MRC1: variants seen among roughly 807,000 people sequenced by gnomAD.
MRC1 encodes mannose receptor C-type 1, also known as macrophage mannose receptor 1.
In MRC1, 62 loss-of-function variants were observed where a neutral mutation model predicts 102.9. The ratio of observed to expected loss-of-function variants is 0.60; its 90% CI spans 0.49 to 0.74. The LOEUF is 0.74. MRC1 is among the 30% of genes least tolerant of loss of function. The pLI, the probability that MRC1 is intolerant of heterozygous loss-of-function variation, is 0.00. For missense variants in MRC1, 1,237 were observed against 862.8 expected (o/e 1.43, Z -5.43); for synonymous variants, 457 against 298.4 (o/e 1.53, Z -5.48).
At chr10:17,888,435 G>A (rs1345344318) in intron 22 of MRC1, among the ~76,000 whole-genome samples, 1 of 152,182 alleles carries the variant, frequency 6.6e-6, no homozygotes, top group Non-Finnish European at 1.5e-5. Flanking sequence ...GGTTAAAGAT[G>A]TGCTGACTTC....
chr10:17,888,006 A>G (rs1428164939), intron 22 of MRC1, among the ~76,000 whole-genome samples: 1 of 152,020 alleles, frequency 6.6e-6, no homozygotes, highest in Non-Finnish European at 1.5e-5. Context: ...GGGTTTCACT[A>G]TGTTGGCCAG....
chr10:17,831,636 T>C (rs1382610904), intron 3 of MRC1, among the ~76,000 whole-genome samples: 2 of 151,402 alleles, frequency 1.3e-5, no homozygotes, highest in African/African-American at 4.9e-5. Context: ...TCTTAGTAAA[T>C]TGAGTATTTC....
At chr10:17,873,917 G>A (rs1833390314) in intron 16 of MRC1, 92 bp downstream of exon 16, 1 of 822,386 alleles carries the variant, frequency 1.2e-6, no homozygotes, top group Non-Finnish European at 2.2e-6. Flanking sequence ...CCCTAGGAAG[G>A]TAGAGAGCAG....
chr10:17,864,208 G>A (rs1039640715), intron 11 of MRC1, among the ~76,000 whole-genome samples: 41 of 152,040 alleles, frequency 2.7e-4, no homozygotes, highest in African/African-American at 8.5e-4. Context: ...TCACCATGTT[G>A]GCCAGGCTGG....
At chr10:17,884,033 C>A (rs985996818) in intron 21 of MRC1, among the ~76,000 whole-genome samples, 7 of 152,294 alleles carry the variant, frequency 4.6e-5, no homozygotes, top group Non-Finnish European at 1.0e-4. Flanking sequence ...GTGGCACAAC[C>A]ATGGCTGTCT....
chr10:17,883,302 A>AT (rs1833544112), intron 21 of MRC1, among the ~76,000 whole-genome samples: 1 of 151,746 alleles, frequency 6.6e-6, no homozygotes, highest in African/African-American at 2.4e-5. Flanking sequence ...TAATTTTTAA[A>AT]TTTTTTTGTA....
At chr10:17,859,924 C>T (rs1350137401) in intron 9 of MRC1, among the ~76,000 whole-genome samples, 2 of 152,150 alleles carry the variant, frequency 1.3e-5, no homozygotes, top group East Asian at 1.9e-4. Flanking sequence ...AGGTAGATGA[C>T]AAGACACTGT....
At chr10:17,811,753 T>A (rs1000546410) in intron 1 of MRC1, among the ~76,000 whole-genome samples, 11,993 of 151,494 alleles carry the variant, frequency 0.079, 544 homozygotes, top group Non-Finnish European at 0.099. Flanking sequence ...ATTTTTTTTA[T>A]TTTTTTTTAT....
intron 22 of MRC1, among the ~76,000 whole-genome samples, chr10:17,892,871 G>T (rs1401925734): frequency 3.9e-5 from 6 of 151,958 alleles, no homozygotes; most frequent in African/African-American, 1.5e-4. Context: ...TTAGCTGGGC[G>T]TGGTGGCACA....
intron 4 of MRC1, among the ~76,000 whole-genome samples, chr10:17,836,070 G>A (rs1169896879): frequency 6.6e-6 from 1 of 152,182 alleles, no homozygotes; most frequent in Non-Finnish European, 1.5e-5. Flanking sequence ...GATTTGCTGA[G>A]GCACCTGTGC....
chr10:17,880,422 A>C (rs570720546), intron 19 of MRC1, 103 bp from the exon 20 acceptor site: 27 of 744,632 alleles, frequency 3.6e-5, no homozygotes, highest in Admixed American at 3.5e-4. Flanking sequence ...ATTATAGTCT[A>C]AATAAGTTTT....
At chr10:17,820,915 T>C (rs1228521572) in intron 1 of MRC1, among the ~76,000 whole-genome samples, 2 of 152,202 alleles carry the variant, frequency 1.3e-5, no homozygotes, top group Non-Finnish European at 2.9e-5. Flanking sequence ...AGCCCTATAT[T>C]ATCAAAATTC....
intron 20 of MRC1, 107 bp downstream of exon 20, chr10:17,880,777 T>C: frequency 1.3e-6 from 1 of 759,412 alleles, no homozygotes; most frequent in Non-Finnish European, 2.4e-6. Context: ...TAGAAAATTT[T>C]TGGCAAGAAT....
chr10:17,867,729 G>A (rs923807864), intron 12 of MRC1, among the ~76,000 whole-genome samples: 1 of 152,186 alleles, frequency 6.6e-6, no homozygotes, highest in African/African-American at 2.4e-5. Context: ...GCCTCTTTTC[G>A]TCTTGATAGA....
Position 17,893,640 on chromosome 10 carries a change from A to G in MRC1, c.3148-570A>G, listed in dbSNP as rs913708080. Reference sequence around the variant, plus strand: ...GAGATATATTTAGTACATAAAGGAAAGAAGGATTTGGAATGGCAAACACAT... The same window carrying G: ...GAGATATATTTAGTACATAAAGGAAGGAAGGATTTGGAATGGCAAACACAT... On this transcript the variant is annotated intron_variant, in intron 22 of 29. Coordinates refer to ENST00000569591, the MANE Select transcript of MRC1 (RefSeq NM_002438.4). Among the ~76,000 whole-genome samples, 61 of 152,334 alleles carry G rather than the reference A, an allele frequency of 4.0e-4. No individual in the cohort carries two copies. In the East Asian group the frequency reaches 0.011, roughly 28 times the overall value.
intron 23 of MRC1, among the ~76,000 whole-genome samples, chr10:17,895,031 G>A (rs1007220549): frequency 2.7e-3 from 413 of 152,120 alleles, no homozygotes; most frequent in Admixed American, 5.0e-3. Context: ...AAATTATTTT[G>A]TACTTTTACA....
intron 21 of MRC1, among the ~76,000 whole-genome samples, chr10:17,883,085 A>G (rs1833541296): frequency 6.6e-6 from 1 of 152,178 alleles, no homozygotes; most frequent in African/African-American, 2.4e-5. Flanking sequence ...AAAAGTTATG[A>G]TCTTATTTGG....
chr10:17,856,712 T>C (rs905998758), intron 9 of MRC1, among the ~76,000 whole-genome samples: 7 of 152,274 alleles, frequency 4.6e-5, no homozygotes, highest in Non-Finnish European at 1.0e-4. Flanking sequence ...CAGTCTACTA[T>C]AGTCTGTCAT....
chr10:17,894,258 T>C lies in MRC1; in HGVS notation c.3196T>C (p.Trp1066Arg). Residue 1066 changes from tryptophan (W) to arginine (R), a missense_variant, in exon 23 of 30, where the codon TGG (tryptophan) becomes CGG (arginine). Physicochemically the swap from Trp to Arg is moderately radical, Grantham distance 101. Coordinates refer to ENST00000569591, the MANE Select transcript of MRC1 (RefSeq NM_002438.4). ...AGGTGCATCAAATGAAGCAGGAAAA[T>C]GGATGGATGATACCTGCGACAGTAA... ...IGGASNEAGKWMDDTCDSKRG... is the reference protein window; with the variant it reads ...IGGASNEAGKRMDDTCDSKRG... The C allele has an allele frequency of 2.3e-6, 2 of 872,440 alleles. No individual in the cohort carries two copies. Among genetic ancestry groups the C allele is most frequent in the South Asian group, 2.6e-5 (2 of 76,520 alleles). 54.0% of individuals were successfully genotyped at this position (872,440 alleles called of 1,614,324 possible).
Sources: gnomAD v4.1 joint callset for allele counts (sites outside exome capture counted in the v4.1 genomes callset) on GRCh38, gnomAD v4.1.1 for gene constraint, MANE v1.5 for transcripts, NCBI Gene and HGNC (gene_info 2026-07-23, HGNC 2026-07-21) for gene names.